LIFR: variants seen among roughly 807,000 people sequenced by gnomAD.
LIFR encodes the protein leukemia inhibitory factor receptor.
In LIFR, 84 loss-of-function variants were observed where a neutral mutation model predicts 122.2. That is an observed-to-expected ratio of 0.69 (90% confidence interval 0.58 to 0.82). LIFR has a LOEUF of 0.82. LIFR is among the 40% of genes least tolerant of loss of function. LIFR has a pLI of 0.00. For missense variants in LIFR, 1,294 were observed against 1,311.6 expected (o/e 0.99, Z 0.21); for synonymous variants, 422 against 434.7 (o/e 0.97, Z 0.36).
intron 1 of LIFR, among the ~76,000 whole-genome samples, chr5:38,594,727 A>G (rs1264774714): frequency 2.0e-5 from 3 of 152,236 alleles, no homozygotes; most frequent in African/African-American, 7.2e-5. Flanking sequence ...ATACACAATG[A>G]CATGACAATA....
At chr5:38,542,731 G>A (rs77534620) in intron 1 of LIFR, among the ~76,000 whole-genome samples, 1 of 151,964 alleles carries the variant, frequency 6.6e-6, no homozygotes, top group Non-Finnish European at 1.5e-5. Flanking sequence ...AGGCTCTGTG[G>A]TGCCTCAGTG....
intron 1 of LIFR, among the ~76,000 whole-genome samples, chr5:38,577,156 C>T (rs1749414351): frequency 6.6e-6 from 1 of 152,198 alleles, no homozygotes; most frequent in Non-Finnish European, 1.5e-5. Context: ...GGTATTCAGC[C>T]AACTCATTCT....
At chr5:38,522,639 C>T (rs1198875786) in intron 5 of LIFR, among the ~76,000 whole-genome samples, 1 of 152,184 alleles carries the variant, frequency 6.6e-6, no homozygotes, top group East Asian at 1.9e-4. Flanking sequence ...GCTATTGTCC[C>T]ATATAGGCTA....
intron 11 of LIFR, 76 bp downstream of exon 11, chr5:38,502,561 C>T (rs1304043636): frequency 5.3e-6 from 7 of 1,309,016 alleles, no homozygotes; most frequent in Non-Finnish European, 7.7e-6. Context: ...ACCCGGCCAA[C>T]ATCTTCTTTT....
intron 1 of LIFR, among the ~76,000 whole-genome samples, chr5:38,549,384 T>A (rs1748075500): frequency 2.6e-5 from 4 of 152,094 alleles, no homozygotes; most frequent in Admixed American, 2.0e-4. Context: ...CTATAAATAT[T>A]CCCCTACATC....
chr5:38,546,975 G>A (rs879242612), intron 1 of LIFR, among the ~76,000 whole-genome samples: 1 of 152,162 alleles, frequency 6.6e-6, no homozygotes, highest in Admixed American at 6.6e-5. Context: ...ATGTCTACAT[G>A]TCAACACAGC....
At position 38,476,089 on chromosome 5, in the gene LIFR, T is replaced by C. The variant is rs1253975827; in HGVS notation, c.*5506A>G. The C allele has an allele frequency of 5.0e-6, 1 of 198,658 alleles. No individual in the cohort carries two copies. Among genetic ancestry groups the C allele is most frequent in the Non-Finnish European group, 1.0e-5 (1 of 95,990 alleles). The allele number at this position is 198,658 out of a possible 1,614,324, so 12.3% of individuals were successfully genotyped here. A position where few individuals can be genotyped will look rare whatever the true frequency, so the allele number is the denominator to read the frequency against. On this transcript the variant is annotated 3_prime_UTR_variant, in exon 20 of 20. Transcript: ENST00000453190. ...ATGTTATTCATATTTTTCCTAAATATTGTGTTGGAAGGAAAAATTAAATAC... is the reference window on the plus strand; with the variant it reads ...ATGTTATTCATATTTTTCCTAAATACTGTGTTGGAAGGAAAAATTAAATAC...
rs534299858 is a variant in LIFR at position 38,563,059 on chromosome 5, T to C, written c.-20+32202A>G. ...GGCAGCTCTGGCAAACAGGGACATTTCTGTGGATGGTGTTTCTACTGGAAT... is the reference window on the plus strand; with the variant it reads ...GGCAGCTCTGGCAAACAGGGACATTCCTGTGGATGGTGTTTCTACTGGAAT... On this transcript the variant is annotated intron_variant, in intron 1 of 19. Coordinates refer to the LIFR transcript ENST00000263409. 1.6e-4 allele frequency among the ~76,000 whole-genome samples: 24 copies of C among 152,314 alleles called. 1 individual carries two copies. The South Asian group carries it at 4.6e-3, about 29-fold the overall frequency.
In LIFR at chr5:38,482,592, A is replaced by C; in HGVS notation, c.2667T>G (p.Cys889Trp). 1 of 1,450,454 alleles carries C rather than the reference A, an allele frequency of 6.9e-7. No homozygotes were observed. Among genetic ancestry groups the C allele is most frequent in the Non-Finnish European group, 9.5e-7 (1 of 1,056,406 alleles). The allele number at this position is 1,450,454 out of a possible 1,614,324, so 89.8% of individuals were successfully genotyped here. Reference sequence around the variant, plus strand: ...ATATAAGAAAATAAAAGATTACCTCACAGACACTCTTTTGAAACTGTAATG... The same window carrying C: ...ATATAAGAAAATAAAAGATTACCTCCCAGACACTCTTTTGAAACTGTAATG... Reference protein sequence around the residue: ...CKALQFQKSVCEGSSALKTLE... With the variant: ...CKALQFQKSVWEGSSALKTLE... Residue 889 changes from cysteine (C) to tryptophan (W), a missense_variant, in exon 19 of 20, where the codon TGT becomes TGG. Transcript: ENST00000453190.
intron 1 of LIFR, among the ~76,000 whole-genome samples, chr5:38,569,231 C>T (rs886834160): frequency 6.6e-6 from 1 of 152,208 alleles, no homozygotes; most frequent in African/African-American, 2.4e-5. Flanking sequence ...TCGAGTTATA[C>T]TCCAAAGTAA....
chr5:38,506,520 G>T lies in LIFR; in HGVS notation c.1104C>A (p.Ser368Arg). 2 of 1,614,056 alleles carry T rather than the reference G, an allele frequency of 1.2e-6. No homozygotes were observed. The highest frequency in any genetic ancestry group is 1.7e-6 in the Non-Finnish European group (2 of 1,179,978). Residue 368 changes from serine (S) to arginine (R), a missense_variant, in exon 8 of 20, where the codon AGC (serine) becomes AGA (arginine). Ser to Arg is a moderately radical substitution (Grantham distance 110). Transcript: ENST00000453190. ...VTALVGPRAT[S>R]YTLVESFSGK... ...ATCATTACCTTTCAACTAAAGTGTA[G>T]CTTGTAGCACGTGGGCCCACCAACG... is the stretch of plus-strand genomic sequence containing the variant.
At chr5:38,492,226 TTTG>T (rs568699077) in intron 14 of LIFR, among the ~76,000 whole-genome samples, 221 of 152,330 alleles carry the variant, frequency 1.5e-3, no homozygotes, top group African/African-American at 5.0e-3. Flanking sequence ...TCTCTGAGTT[TTTG>T]TTTTCTCAAG....
Position 38,485,986 on chromosome 5 carries a change from T to C in LIFR, c.2336-6A>G. On this transcript the variant is annotated splice_polypyrimidine_tract_variant and splice_region_variant and intron_variant, in intron 16 of 19. Coordinates refer to ENST00000453190, the MANE Select transcript of LIFR (RefSeq NM_001127671.2). ...AACTTTTATGTCAGAACGACCTATT[T>C]TTAAAATGAAGTATGTTAGCACTAA... 6.2e-7 allele frequency: 1 copy of C among 1,610,326 alleles called. No homozygotes were observed. Among genetic ancestry groups the C allele is most frequent in the Admixed American group, 1.7e-5 (1 of 60,022 alleles).
intron 1 of LIFR, among the ~76,000 whole-genome samples, chr5:38,564,972 G>A (rs1031949748): frequency 2.4e-4 from 36 of 151,690 alleles, no homozygotes; most frequent in African/African-American, 8.5e-4. Context: ...ACAGGGTTTC[G>A]CCACATTGGC....
At chr5:38,483,348 C>T (rs975574936) in intron 18 of LIFR, among the ~76,000 whole-genome samples, 3 of 152,080 alleles carry the variant, frequency 2.0e-5, no homozygotes, top group Admixed American at 6.5e-5. Flanking sequence ...GAGTTTGAAA[C>T]GCTGTAACTT....
chr5:38,575,514 CAG>C (rs1749356163), intron 1 of LIFR, among the ~76,000 whole-genome samples: 1 of 152,104 alleles, frequency 6.6e-6, no homozygotes, highest in Non-Finnish European at 1.5e-5. Flanking sequence ...ACCGTTTGCC[CAG>C]AGAGAGCTTC....
intron 1 of LIFR, among the ~76,000 whole-genome samples, chr5:38,585,920 C>T (rs1029823468): frequency 2.0e-5 from 3 of 152,088 alleles, no homozygotes; most frequent in Non-Finnish European, 2.9e-5. Context: ...CACTCCCCAC[C>T]AAGAGAGCAT....
intron 5 of LIFR, among the ~76,000 whole-genome samples, chr5:38,522,968 CG>C (rs1746481948): frequency 6.6e-6 from 1 of 151,846 alleles, no homozygotes; most frequent in African/African-American, 2.4e-5. Flanking sequence ...AATGAAAAAA[CG>C]AGAGAGGGAA....
intron 2 of LIFR, chr5:38,606,088 G>A (rs1291242023): frequency 6.6e-6 from 1 of 152,192 alleles, no homozygotes; most frequent in Non-Finnish European, 1.5e-5. Context: ...AATGTTAGTT[G>A]CTATGTTGGG....
Sources: gnomAD v4.1 joint callset for allele counts (sites outside exome capture counted in the v4.1 genomes callset) on GRCh38, gnomAD v4.1.1 for gene constraint, MANE v1.5 for transcripts, NCBI Gene and HGNC (gene_info 2026-07-23, HGNC 2026-07-21) for gene names.